PITPNM2: variants seen among roughly 807,000 people sequenced by gnomAD.
PITPNM2 encodes the protein phosphatidylinositol transfer protein membrane associated 2.
PITPNM2 carries 35 observed loss-of-function variants against 132.2 expected under a neutral mutation model. The ratio of observed to expected loss-of-function variants is 0.26; its 90% CI spans 0.20 to 0.35. The LOEUF is 0.35. Among genes scored for constraint, PITPNM2 ranks in the 10% least tolerant of loss-of-function variants. PITPNM2 has a pLI of 1.00. For missense variants in PITPNM2, 1,332 were observed against 1,912.0 expected, an observed-to-expected ratio of 0.70 and a Z score of 5.66; for synonymous variants, 738 against 799.2, an observed-to-expected ratio of 0.92 and a Z score of 1.29.
rs1046139438 is a variant in PITPNM2 at position 122,985,298 on chromosome 12, G to A, written c.*729C>T. The A allele has an allele frequency of 3.3e-5, 5 of 152,474 alleles. No homozygotes were observed. The highest frequency in any genetic ancestry group is 1.2e-4 in the African/African-American group (5 of 41,452). The allele number at this position is 152,474 out of a possible 1,614,324, so 9.4% of individuals were successfully genotyped here. On this transcript the variant is annotated 3_prime_UTR_variant, in exon 26 of 26. Transcript: ENST00000320201. Reference sequence around the variant, plus strand: ...TTGACTGATGGCAGGGAGCGGAAGAGGCGGCCAGGCCCGTCCAGCCCGTGG... The same window carrying A: ...TTGACTGATGGCAGGGAGCGGAAGAAGCGGCCAGGCCCGTCCAGCCCGTGG...
intron 2 of PITPNM2, among the ~76,000 whole-genome samples, chr12:123,071,786 A>C (rs1358604027): frequency 6.6e-6 from 1 of 152,206 alleles, no homozygotes; most frequent in Non-Finnish European, 1.5e-5. Context: ...ACACAATAGG[A>C]AACTGAGGTG....
chr12:123,060,020 T>C (rs2136755590), intron 2 of PITPNM2, among the ~76,000 whole-genome samples: 1 of 152,312 alleles, frequency 6.6e-6, no homozygotes, highest in East Asian at 1.9e-4. Context: ...ACTCCAAGTA[T>C]CAGTTTCCTT....
rs1404853508 is a variant in PITPNM2, at chr12:123,069,780, G to A, written c.-95-35095C>T. Reference sequence around the variant, plus strand: ...CCACAGCAGTTGCTTAATAAAGGTAGGTACCCAGCAAATATTTGTTAGATA... The same window carrying A: ...CCACAGCAGTTGCTTAATAAAGGTAAGTACCCAGCAAATATTTGTTAGATA... On this transcript the variant is annotated intron_variant, in intron 2 of 25. Coordinates refer to ENST00000320201, the MANE Select transcript of PITPNM2 (RefSeq NM_020845.3). 6.6e-5 allele frequency among the ~76,000 whole-genome samples: 10 copies of A among 152,342 alleles called. No homozygotes were observed. The South Asian group carries it at 8.3e-4, about 13-fold the overall frequency.
chr12:123,071,110 C>T (rs59416270), intron 2 of PITPNM2, among the ~76,000 whole-genome samples: 8 of 152,314 alleles, frequency 5.3e-5, no homozygotes, highest in Admixed American at 1.3e-4. Context: ...CTGGGATCCT[C>T]GAGTGTCCAC....
chr12:122,997,631 CCT>C (rs2038488348), intron 10 of PITPNM2, 59 bp from the exon 11 acceptor site: 3 of 1,571,182 alleles, frequency 1.9e-6, no homozygotes, highest in Non-Finnish European at 1.7e-6. Context: ...TGCTGAGGCC[CCT>C]CTGTCACCCT....
chr12:123,027,654 G>C (rs147947068), intron 3 of PITPNM2, among the ~76,000 whole-genome samples: 3 of 152,366 alleles, frequency 2.0e-5, no homozygotes, highest in Non-Finnish European at 4.4e-5. Flanking sequence ...CGGCTGTGGA[G>C]GGGTGTGAGG....
chr12:123,074,412 C>T (rs544022621), intron 2 of PITPNM2, among the ~76,000 whole-genome samples: 1 of 152,160 alleles, frequency 6.6e-6, no homozygotes, highest in Non-Finnish European at 1.5e-5. Context: ...CTCTCACATA[C>T]CCCATAGGCA....
intron 2 of PITPNM2, among the ~76,000 whole-genome samples, chr12:123,046,402 C>G (rs775275918): frequency 6.6e-6 from 1 of 152,124 alleles, no homozygotes; most frequent in Admixed American, 6.5e-5. Flanking sequence ...CTCACAACTC[C>G]CCCGAGTTAG....
At chr12:123,151,253 G>T (rs2043744201), upstream of PITPNM2, among the ~76,000 whole-genome samples, 1 of 146,258 alleles carries the variant, frequency 6.8e-6, no homozygotes, top group East Asian at 2.3e-4. Context: ...CGGGCAGCCC[G>T]CCTGGTTCCT....
chr12:123,147,307 A>T (rs2043638307), intron 1 of PITPNM2, among the ~76,000 whole-genome samples: 1 of 152,022 alleles, frequency 6.6e-6, no homozygotes, highest in Admixed American at 6.6e-5. Context: ...TGTTAGGTAC[A>T]ATGTTACCTT....
chr12:122,991,673 G>A (rs2136082367), intron 16 of PITPNM2: 1 of 1,256,920 alleles, frequency 8.0e-7, no homozygotes, highest in Non-Finnish European at 1.0e-6. Context: ...AGTGGCCAAG[G>A]AGGGCATGGA....
Position 122,989,881 on chromosome 12 carries a change from G to A in PITPNM2, c.2637C>T (p.Pro879=). The change falls in exon 18 of 26, where the codon CCC becomes CCT. Residue 879 remains proline (P), a synonymous_variant. Coordinates refer to ENST00000320201, the MANE Select transcript of PITPNM2 (RefSeq NM_020845.3). ...RRLSLLALPA[P]SPTTPGPHPP... ...GGTGGGGGCCAGGGGTGGTGGGGCT[G>A]GGGGCGGGCAGGGCGAGCAGGGACA... The A allele has an allele frequency of 7.5e-7, 1 of 1,328,882 alleles. No individual in the cohort carries two copies. The highest frequency in any genetic ancestry group is 9.7e-7 in the Non-Finnish European group (1 of 1,034,872). The allele number at this position is 1,328,882 out of a possible 1,614,324, so 82.3% of individuals were successfully genotyped here.
intron 2 of PITPNM2, among the ~76,000 whole-genome samples, chr12:123,104,956 CAG>C (rs1438103529): frequency 6.6e-6 from 1 of 152,158 alleles, no homozygotes; most frequent in Non-Finnish European, 1.5e-5. Flanking sequence ...TCAGGTCACT[CAG>C]AGTCAGGGCC....
chr12:123,042,576 G>A (rs978328038), intron 2 of PITPNM2, among the ~76,000 whole-genome samples: 1 of 152,170 alleles, frequency 6.6e-6, no homozygotes, highest in African/African-American at 2.4e-5. Context: ...CGGGAGCCCC[G>A]GTTTTTGCAG....
chr12:123,140,710 C>A (rs557678941), intron 1 of PITPNM2, among the ~76,000 whole-genome samples: 11 of 152,128 alleles, frequency 7.2e-5, no homozygotes, highest in Admixed American at 6.5e-4. Flanking sequence ...CCCCCCAGGA[C>A]CACACCCCAG....
At chr12:123,098,570 G>T (rs758225819) in intron 2 of PITPNM2, among the ~76,000 whole-genome samples, 1 of 152,088 alleles carries the variant, frequency 6.6e-6, no homozygotes, top group Non-Finnish European at 1.5e-5. Flanking sequence ...AATTAGCCAG[G>T]CATGGTGGCC....
intron 8 of PITPNM2, among the ~76,000 whole-genome samples, 168 bp from the exon 9 acceptor site, chr12:123,001,326 TA>T (rs1168299435): frequency 6.6e-6 from 1 of 152,150 alleles, no homozygotes; most frequent in Non-Finnish European, 1.5e-5. Flanking sequence ...AAAATAGTGG[TA>T]ACATTCACAT....
At chr12:122,987,693 G>C (rs772924851) in intron 21 of PITPNM2, 34 bp from the exon 22 acceptor site, 2 of 1,611,436 alleles carry the variant, frequency 1.2e-6, no homozygotes, top group Middle Eastern at 1.7e-4. Flanking sequence ...GGCTGGCTGT[G>C]TCTGGCCTCT....
chr12:123,125,619 C>T (rs1346844965), intron 1 of PITPNM2, among the ~76,000 whole-genome samples: 6 of 151,496 alleles, frequency 4.0e-5, no homozygotes, highest in African/African-American at 1.2e-4. Context: ...CCGAGGGGGG[C>T]GGATCACGAG....
Sources: allele counts gnomAD v4.1 joint callset (sites outside exome capture counted in the v4.1 genomes callset), GRCh38; gene constraint gnomAD v4.1.1; transcripts MANE v1.5; gene names NCBI Gene and HGNC (gene_info 2026-07-23, HGNC 2026-07-21).